Variants in LMCD1 observed in about 807,000 individuals in gnomAD.
LMCD1 encodes the protein LIM and cysteine rich domains 1.
LMCD1 carries 32 observed loss-of-function variants against 42.7 expected under a neutral mutation model. The observed-to-expected ratio is 0.75, with a 90% CI of 0.57 to 1.01. LMCD1 has a LOEUF of 1.01. Among genes scored for constraint, LMCD1 ranks in the 50% least tolerant of loss-of-function variants. The pLI is 0.00. For missense variants in LMCD1, 458 were observed against 483.1 expected (o/e 0.95, Z 0.49); for synonymous variants, 178 against 184.9 (o/e 0.96, Z 0.30).
rs1201993809 is a variant in LMCD1, at chr3:8,567,759, A to G, written c.*161A>G. ...ATATATGAGATATATATAGATATAT[A>G]TTCTAGGTTGGGTGGTGGTAGATCC... On this transcript the variant is annotated 3_prime_UTR_variant, in exon 6 of 6. Coordinates refer to ENST00000157600, the MANE Select transcript of LMCD1 (RefSeq NM_014583.4). 1 of 569,720 alleles carries G rather than the reference A, an allele frequency of 1.8e-6. No individual in the cohort carries two copies. Among genetic ancestry groups the G allele is most frequent in the African/African-American group, 1.9e-5 (1 of 51,884 alleles). The allele number at this position is 569,720 out of a possible 1,614,324, so 35.3% of individuals were successfully genotyped here.
chr3:8,535,198 A>G (rs1280359041), intron 2 of LMCD1, among the ~76,000 whole-genome samples: 1 of 152,172 alleles, frequency 6.6e-6, no homozygotes, highest in Non-Finnish European at 1.5e-5. Flanking sequence ...GATACTGCCT[A>G]GTGCCTGTCT....
intron 2 of LMCD1, among the ~76,000 whole-genome samples, chr3:8,535,621 C>T (rs909147271): frequency 2.0e-5 from 3 of 152,214 alleles, no homozygotes; most frequent in African/African-American, 7.2e-5. Flanking sequence ...TTTCTATGTA[C>T]CACATACTAA....
chr3:8,528,549 G>A (rs542322531), intron 1 of LMCD1, among the ~76,000 whole-genome samples: 109 of 152,134 alleles, frequency 7.2e-4, no homozygotes, highest in African/African-American at 2.3e-3. Flanking sequence ...TTAATGTTAC[G>A]TGATGCTTAC....
intron 1 of LMCD1, among the ~76,000 whole-genome samples, chr3:8,515,496 T>A (rs1212447472): frequency 6.6e-6 from 1 of 152,184 alleles, no homozygotes; most frequent in African/African-American, 2.4e-5. Flanking sequence ...GCATCTACAG[T>A]GGCTGTCTTG....
chr3:8,520,119 C>T (rs1399124307), intron 1 of LMCD1, among the ~76,000 whole-genome samples: 1 of 152,276 alleles, frequency 6.6e-6, no homozygotes, highest in South Asian at 2.1e-4. Context: ...AATCCACCAA[C>T]TTGGTGTGTT....
chr3:8,567,683 G>A lies in LMCD1; in HGVS notation c.*85G>A, dbSNP rs1265190568. On this transcript the variant is annotated 3_prime_UTR_variant, in exon 6 of 6. Coordinates refer to ENST00000157600, the MANE Select transcript of LMCD1 (RefSeq NM_014583.4). ...GCCGAGACCATCCTAAGGGTCCGAT[G>A]TGACAGCAAGCAAGTGAAATAAACA... 6 of 1,305,600 alleles carry A rather than the reference G, an allele frequency of 4.6e-6. No individual in the cohort carries two copies. The African/African-American group carries it at 6.0e-5, about 13-fold the overall frequency. 80.9% of individuals were successfully genotyped at this position (1,305,600 alleles called of 1,614,324 possible). A position where few individuals can be genotyped will look rare whatever the true frequency, so the allele number is the denominator to read the frequency against.
At chr3:8,533,013 C>T (rs767874316) in intron 2 of LMCD1, among the ~76,000 whole-genome samples, 188 bp downstream of exon 2, 1 of 151,976 alleles carries the variant, frequency 6.6e-6, no homozygotes, top group Non-Finnish European at 1.5e-5. Context: ...GGGAGTGTGG[C>T]GGGGGCAGTA....
chr3:8,519,925 A>AGAGTGTGTGT (rs1553605823), intron 1 of LMCD1, among the ~76,000 whole-genome samples: 37 of 147,914 alleles, frequency 2.5e-4, no homozygotes, highest in African/African-American at 9.2e-4. Flanking sequence ...TGTGAGAGAG[A>AGAGTGTGTGT]GTGTGTGTGT....
chr3:8,516,300 AG>A (rs1296537456), intron 1 of LMCD1, among the ~76,000 whole-genome samples: 1 of 152,146 alleles, frequency 6.6e-6, no homozygotes, highest in Non-Finnish European at 1.5e-5. Flanking sequence ...CAAGAGCCGG[AG>A]GGACAACCGA....
At chr3:8,553,863 G>A (rs1694883517) in intron 4 of LMCD1, among the ~76,000 whole-genome samples, 1 of 152,154 alleles carries the variant, frequency 6.6e-6, no homozygotes. Context: ...TGTCACCCCT[G>A]AAGAAGCGAG....
intron 4 of LMCD1, among the ~76,000 whole-genome samples, chr3:8,551,574 C>T (rs755754808): frequency 4.6e-5 from 7 of 152,170 alleles, no homozygotes; most frequent in African/African-American, 7.2e-5. Flanking sequence ...TTGTAAAACC[C>T]GGCTTGTTAT....
At position 8,550,258 on chromosome 3, in the gene LMCD1, T is replaced by G. The variant is rs74663825; in HGVS notation, c.723+1355T>G. On this transcript the variant is annotated intron_variant, in intron 4 of 5. Coordinates refer to ENST00000157600, the MANE Select transcript of LMCD1 (RefSeq NM_014583.4). ...CGTTTCTGGTCCCCAGCCCCTGTTT[T>G]ACCTTTTGCTCCTCCTGCCCCATCA... 4.9e-3 allele frequency: 5,181 copies of G among 1,058,176 alleles called. 220 individuals are homozygous for G. The African/African-American group carries it at 0.079, about 16-fold the overall frequency. The allele number at this position is 1,058,176 out of a possible 1,614,324, so 65.5% of individuals were successfully genotyped here. A position where few individuals can be genotyped will look rare whatever the true frequency, so the allele number is the denominator to read the frequency against.
chr3:8,550,266 G>A (rs113642923), intron 4 of LMCD1: 7 of 1,050,544 alleles, frequency 6.7e-6, no homozygotes, highest in Non-Finnish European at 8.1e-6. Context: ...TTTACCTTTT[G>A]CTCCTCCTGC....
intron 4 of LMCD1, among the ~76,000 whole-genome samples, chr3:8,557,584 C>G (rs1241685428): frequency 2.6e-5 from 4 of 152,224 alleles, no homozygotes; most frequent in Admixed American, 6.5e-5. Context: ...AAGGCCAACA[C>G]AGTTCAGTCC....
chr3:8,537,366 A>G lies in LMCD1; in HGVS notation c.313A>G (p.Ile105Val), dbSNP rs550210418. Residue 105 changes from isoleucine (I) to valine (V), a missense_variant, in exon 3 of 6, where the codon ATT (isoleucine) becomes GTT (valine). Physicochemically the swap from Ile to Val is conservative, Grantham distance 29. Coordinates refer to ENST00000157600, the MANE Select transcript of LMCD1 (RefSeq NM_014583.4). ...GAACCGGATGATCATGACCAACCCT[A>G]TTGCTACTGGGAAAGATCCCACTTT... ...KRNRMIMTNP[I>V]ATGKDPTFDT... is the part of the protein sequence containing the mutation. 1.9e-6 allele frequency: 3 copies of G among 1,613,170 alleles called. No individual in the cohort carries two copies. Among genetic ancestry groups the G allele is most frequent in the Admixed American group, 1.7e-5 (1 of 59,986 alleles).
intron 2 of LMCD1, among the ~76,000 whole-genome samples, chr3:8,535,946 C>G (rs1694499654): frequency 6.6e-6 from 1 of 152,248 alleles, no homozygotes; most frequent in African/African-American, 2.4e-5. Context: ...CTCTACCCCA[C>G]TGGGACAATC....
intron 4 of LMCD1, among the ~76,000 whole-genome samples, chr3:8,564,262 A>ATATTAT (rs564920697): frequency 4.0e-5 from 6 of 151,860 alleles, no homozygotes; most frequent in African/African-American, 1.4e-4. Flanking sequence ...AACTACTCAA[A>ATATTAT]TATTATTATT....
At chr3:8,560,867 G>A (rs1695022369) in intron 4 of LMCD1, among the ~76,000 whole-genome samples, 2 of 152,138 alleles carry the variant, frequency 1.3e-5, no homozygotes, top group African/African-American at 2.4e-5. Context: ...CATGTTCTAA[G>A]GAACATTATC....
chr3:8,504,201 G>T (rs2125007549), intron 1 of LMCD1, among the ~76,000 whole-genome samples: 1 of 152,310 alleles, frequency 6.6e-6, no homozygotes, highest in East Asian at 1.9e-4. Context: ...ATGTGGAGGG[G>T]AGGGAGGAGA....
Sources: allele counts gnomAD v4.1 joint callset (sites outside exome capture counted in the v4.1 genomes callset), GRCh38; gene constraint gnomAD v4.1.1; transcripts MANE v1.5; gene names NCBI Gene and HGNC (gene_info 2026-07-23, HGNC 2026-07-21).